The following APBB2 variants were observed in gnomAD, a reference collection of about 807,000 sequenced individuals.
APBB2 encodes Fe65-like 1.
In APBB2, 38 loss-of-function variants were observed where a neutral mutation model predicts 82.5. The ratio of observed to expected loss-of-function variants is 0.46; its 90% CI spans 0.36 to 0.60. APBB2 has a LOEUF of 0.60. Among genes scored for constraint, APBB2 ranks in the 20% least tolerant of loss-of-function variants. The pLI, the probability that APBB2 is intolerant of heterozygous loss-of-function variation, is 0.00. For synonymous variants in APBB2, 341 were observed against 368.2 expected, an observed-to-expected ratio of 0.93 and a Z score of 0.85; for missense variants, 772 against 972.3, an observed-to-expected ratio of 0.79 and a Z score of 2.74.
chr4:41,074,382 T>C (rs901327531), intron 3 of APBB2, among the ~76,000 whole-genome samples: 2 of 152,132 alleles, frequency 1.3e-5, no homozygotes, highest in Non-Finnish European at 2.9e-5. Flanking sequence ...AGGACAGAAG[T>C]ACTTCCTGCC....
intron 6 of APBB2, among the ~76,000 whole-genome samples, chr4:40,994,974 A>C (rs748578483): frequency 6.6e-6 from 1 of 152,022 alleles, no homozygotes; most frequent in Non-Finnish European, 1.5e-5. Context: ...AAAAAAAGCA[A>C]TCATTCCCTT....
chr4:40,956,965 C>G (rs1261270799), intron 6 of APBB2, among the ~76,000 whole-genome samples: 2 of 152,208 alleles, frequency 1.3e-5, no homozygotes, highest in Non-Finnish European at 2.9e-5. Context: ...CTATCAGGAA[C>G]AGGAGCTCTG....
intron 1 of APBB2, among the ~76,000 whole-genome samples, chr4:41,189,600 C>T (rs1773848062): frequency 6.6e-6 from 1 of 152,142 alleles, no homozygotes; most frequent in African/African-American, 2.4e-5. Flanking sequence ...AACAGCCTAA[C>T]CTCAGAAAAT....
At chr4:41,095,320 C>T (rs1474448221) in intron 3 of APBB2, among the ~76,000 whole-genome samples, 4 of 152,236 alleles carry the variant, frequency 2.6e-5, no homozygotes, top group African/African-American at 9.6e-5. Context: ...GGCTAAACAA[C>T]AGCTAGCAGC....
At chr4:40,995,699 G>A (rs1479745537) in intron 6 of APBB2, among the ~76,000 whole-genome samples, 1 of 151,970 alleles carries the variant, frequency 6.6e-6, no homozygotes, top group Non-Finnish European at 1.5e-5. Context: ...ACTATGTCTG[G>A]CTAATTTTTT....
intron 12 of APBB2, among the ~76,000 whole-genome samples, chr4:40,843,395 A>G (rs1756530228): frequency 6.6e-6 from 1 of 151,938 alleles, no homozygotes; most frequent in African/African-American, 2.4e-5. Flanking sequence ...AGGCGGAACA[A>G]TGACCATGGC....
intron 4 of APBB2, among the ~76,000 whole-genome samples, chr4:41,054,782 T>C (rs764526402): frequency 1.3e-4 from 20 of 151,996 alleles, no homozygotes; most frequent in African/African-American, 2.9e-4. Context: ...CTGAGAAGCT[T>C]TGAGGTGCAG....
At chr4:41,159,955 GAGAAGGAGAAGAAGA>G (rs1483947946) in intron 1 of APBB2, among the ~76,000 whole-genome samples, 496 of 48,640 alleles carry the variant, frequency 0.01, 12 homozygotes, top group East Asian at 0.022. Flanking sequence ...GAAGGAGAAG[GAGAAGGAGAAGAAGA>G]AGAAGAAGAA....
chr4:41,005,776 A>C (rs187443146), intron 6 of APBB2, among the ~76,000 whole-genome samples: 5 of 152,368 alleles, frequency 3.3e-5, no homozygotes, highest in Admixed American at 1.3e-4. Context: ...TTAGTGGTTA[A>C]TTTTTGAAAA....
chr4:40,846,271 A>T (rs933581333), intron 12 of APBB2, among the ~76,000 whole-genome samples: 2 of 148,454 alleles, frequency 1.3e-5, no homozygotes, highest in Non-Finnish European at 3.0e-5. Context: ...CTCCACGAGG[A>T]GAAAGGAAAG....
chr4:41,145,496 A>C (rs1760467971), intron 1 of APBB2, among the ~76,000 whole-genome samples: 1 of 152,208 alleles, frequency 6.6e-6, no homozygotes, highest in African/African-American at 2.4e-5. Context: ...CAGAAGAAGA[A>C]GACAGAAATT....
Position 40,827,173 on chromosome 4 carries a change from AAGG to A in APBB2, c.1688_1690del (p.Ser563del). ...GAGGTTCACATTGGCCCTTTCCTGT[AAGG>A]AGCTGCAGGCCAGCGCTTTGGCATT... On this transcript the variant is annotated inframe_deletion, in exon 14 of 18. Coordinates refer to ENST00000508593, the MANE Select transcript of APBB2 (RefSeq NM_004307.2). 6.2e-7 allele frequency: 1 copy of A among 1,614,202 alleles called. No homozygotes were observed. Among genetic ancestry groups the A allele is most frequent in the Non-Finnish European group, 8.5e-7 (1 of 1,180,036 alleles).
chr4:40,913,861 T>C (rs976862669), intron 10 of APBB2, among the ~76,000 whole-genome samples: 2 of 151,986 alleles, frequency 1.3e-5, no homozygotes, highest in Admixed American at 6.6e-5. Flanking sequence ...TATGGAGAAA[T>C]ACTTATGTTA....
intron 6 of APBB2, among the ~76,000 whole-genome samples, chr4:40,975,782 ACACACAC>A (rs1190415028): frequency 6.6e-6 from 1 of 151,182 alleles, no homozygotes; most frequent in African/African-American, 2.4e-5. Flanking sequence ...ACACACACAC[ACACACAC>A]AACAACCACT....
At chr4:41,038,510 A>T (rs1720129350) in intron 4 of APBB2, among the ~76,000 whole-genome samples, 1 of 152,034 alleles carries the variant, frequency 6.6e-6, no homozygotes, top group African/African-American at 2.4e-5. Flanking sequence ...ATTGTCCCGG[A>T]TCTATCGCAG....
intron 12 of APBB2, among the ~76,000 whole-genome samples, chr4:40,837,444 T>G (rs554006567): frequency 6.6e-6 from 1 of 152,216 alleles, no homozygotes; most frequent in Non-Finnish European, 1.5e-5. Flanking sequence ...CCACGCAGGG[T>G]CCAGGCTTCA....
intron 10 of APBB2, among the ~76,000 whole-genome samples, chr4:40,906,464 CAAAAAAAAAAA>C (rs5857755): frequency 2.9e-5 from 2 of 67,990 alleles, no homozygotes; most frequent in African/African-American, 1.3e-4. Context: ...AAACCTGTCT[CAAAAAAAAAAA>C]AAAAAAAAAA....
chr4:40,949,963 G>C (rs4380555), intron 6 of APBB2, among the ~76,000 whole-genome samples: 1 of 152,066 alleles, frequency 6.6e-6, no homozygotes, highest in African/African-American at 2.4e-5. Flanking sequence ...GGTGAGATTC[G>C]GCACTGGACA....
chr4:41,105,641 C>T (rs1346320173), intron 2 of APBB2, among the ~76,000 whole-genome samples: 3 of 152,040 alleles, frequency 2.0e-5, no homozygotes, highest in Non-Finnish European at 4.4e-5. Context: ...TCCCAGCACT[C>T]TAGGAGGCCA....
Sources: allele counts gnomAD v4.1 joint callset (sites outside exome capture counted in the v4.1 genomes callset), GRCh38; gene constraint gnomAD v4.1.1; transcripts MANE v1.5; gene names NCBI Gene and HGNC (gene_info 2026-07-23, HGNC 2026-07-21).